Variants in SRGAP1 observed in about 807,000 individuals in gnomAD.
SRGAP1 encodes SLIT-ROBO Rho GTPase activating protein 1.
Under a neutral mutation model 121.9 loss-of-function variants are expected in SRGAP1, and 43 were observed. The observed-to-expected ratio is 0.35, with a 90% CI of 0.28 to 0.46. SRGAP1 has a LOEUF of 0.46. Ranked by LOEUF, SRGAP1 falls within the 20% of genes least tolerant of loss-of-function variation. The pLI is 1.00. For missense variants in SRGAP1, 1,102 were observed against 1,350.9 expected, an observed-to-expected ratio of 0.82 and a Z score of 2.89; for synonymous variants, 447 against 485.4, an observed-to-expected ratio of 0.92 and a Z score of 1.04.
intron 1 of SRGAP1, among the ~76,000 whole-genome samples, chr12:63,853,817 A>G (rs1899153572): frequency 6.6e-6 from 1 of 152,182 alleles, no homozygotes; most frequent in Non-Finnish European, 1.5e-5. Context: ...CTGACTTTCA[A>G]CTCCACCCTC....
chr12:64,094,827 A>T, intron 12 of SRGAP1, 105 bp from the exon 13 acceptor site: 1 of 1,107,994 alleles, frequency 9.0e-7, no homozygotes, highest in South Asian at 1.3e-5. Context: ...TTTGCTCCAG[A>T]ACTGCAAAAA....
intron 2 of SRGAP1, among the ~76,000 whole-genome samples, chr12:63,986,017 A>G (rs2033403086): frequency 6.6e-6 from 1 of 152,192 alleles, no homozygotes; most frequent in Non-Finnish European, 1.5e-5. Context: ...TGCAGAAGCA[A>G]ACACAAAACT....
At chr12:64,083,246 A>G (rs759127880) in intron 10 of SRGAP1, among the ~76,000 whole-genome samples, 11 of 152,206 alleles carry the variant, frequency 7.2e-5, no homozygotes, top group Admixed American at 2.0e-4. Context: ...GTTTGGGGAC[A>G]GTCCTGACTT....
rs889765690 is a variant in SRGAP1 at position 64,146,809 on chromosome 12, G to C, written c.*4137G>C. The stretch of plus-strand genomic sequence containing the variant: ...GCTGGAGAGTCAGGCTTGGTGCAGG[G>C]TGACTTTGGCGAAGTTTTGTCAGAT... On this transcript the variant is annotated 3_prime_UTR_variant, in exon 22 of 22. Coordinates refer to ENST00000355086, the MANE Select transcript of SRGAP1 (RefSeq NM_020762.4). 1 of 151,692 alleles carries C rather than the reference G, an allele frequency of 6.6e-6. No homozygotes were observed. Among genetic ancestry groups the C allele is most frequent in the African/African-American group, 2.4e-5 (1 of 41,220 alleles). The allele number at this position is 151,692 out of a possible 1,614,324, so 9.4% of individuals were successfully genotyped here.
chr12:63,893,641 C>T (rs561181182), intron 1 of SRGAP1, among the ~76,000 whole-genome samples: 6 of 152,204 alleles, frequency 3.9e-5, no homozygotes, highest in African/African-American at 1.4e-4. Context: ...ACTAGAGAGG[C>T]CAAGTGACTT....
chr12:63,986,946 T>C (rs972103442), intron 2 of SRGAP1, among the ~76,000 whole-genome samples: 13 of 152,206 alleles, frequency 8.5e-5, no homozygotes, highest in African/African-American at 3.1e-4. Context: ...GAAGATAAGA[T>C]GAATATGTCT....
chr12:64,037,083 T>A (rs1336707719), intron 4 of SRGAP1, among the ~76,000 whole-genome samples: 2 of 152,204 alleles, frequency 1.3e-5, no homozygotes, highest in Non-Finnish European at 2.9e-5. Context: ...CAGGGAACAC[T>A]TAGCCATAGG....
intron 1 of SRGAP1, among the ~76,000 whole-genome samples, chr12:63,847,099 C>T (rs898739881): frequency 1.3e-5 from 2 of 152,168 alleles, no homozygotes; most frequent in African/African-American, 4.8e-5. Context: ...GAGGCTGAGG[C>T]AGGCGGATCA....
chr12:63,991,375 C>T (rs1664492866), intron 3 of SRGAP1, among the ~76,000 whole-genome samples: 1 of 152,110 alleles, frequency 6.6e-6, no homozygotes. Flanking sequence ...TTTGATGTAT[C>T]CACATTAGAT....
At chr12:63,962,888 T>A (rs1434601414) in intron 1 of SRGAP1, among the ~76,000 whole-genome samples, 2 of 152,134 alleles carry the variant, frequency 1.3e-5, no homozygotes, top group East Asian at 3.8e-4. Flanking sequence ...GTATAAGAAA[T>A]CATAAAAGCA....
At chr12:64,091,463 T>C (rs1230242520) in intron 12 of SRGAP1, 85 bp downstream of exon 12, 3 of 924,536 alleles carry the variant, frequency 3.2e-6, no homozygotes, top group Non-Finnish European at 5.0e-6. Context: ...GGAAGGTCAT[T>C]ATGTCCAAGT....
chr12:64,051,332 T>G (rs1470709518), intron 6 of SRGAP1, among the ~76,000 whole-genome samples: 1 of 152,180 alleles, frequency 6.6e-6, no homozygotes, highest in Non-Finnish European at 1.5e-5. Flanking sequence ...TATAGTTAAG[T>G]CTTCCCTCCT....
At chr12:64,072,320 A>G (rs1305999642) in intron 8 of SRGAP1, among the ~76,000 whole-genome samples, 2 of 152,034 alleles carry the variant, frequency 1.3e-5, no homozygotes, top group African/African-American at 2.4e-5. Flanking sequence ...TAAAGGATGA[A>G]TAGGACTGCA....
chr12:64,056,451 G>A (rs1483590007), intron 6 of SRGAP1, among the ~76,000 whole-genome samples: 1 of 150,594 alleles, frequency 6.6e-6, no homozygotes, highest in East Asian at 2.0e-4. Context: ...TAGTTGGGAG[G>A]ATGAGGCAGG....
chr12:63,868,532 A>C (rs1033602950), intron 1 of SRGAP1, among the ~76,000 whole-genome samples: 1 of 151,890 alleles, frequency 6.6e-6, no homozygotes, highest in African/African-American at 2.4e-5. Flanking sequence ...AACCTGGCTA[A>C]TTTTTTGTAG....
At chr12:63,873,376 C>T (rs1208066532) in intron 1 of SRGAP1, among the ~76,000 whole-genome samples, 1 of 151,396 alleles carries the variant, frequency 6.6e-6, no homozygotes, top group African/African-American at 2.4e-5. Context: ...ACTACAAATA[C>T]AAAAAAATTA....
Position 64,159,620 on chromosome 12 carries a change from C to G in SRGAP1, c.*16948C>G, listed in dbSNP as rs919007337. 1 of 152,228 alleles carries G rather than the reference C, an allele frequency of 6.6e-6. No homozygotes were observed. Among genetic ancestry groups the G allele is most frequent in the Non-Finnish European group, 1.5e-5 (1 of 68,102 alleles). 9.4% of individuals were successfully genotyped at this position (152,228 alleles called of 1,614,324 possible). A position where few individuals can be genotyped will look rare whatever the true frequency, so the allele number is the denominator to read the frequency against. Reference sequence around the variant, plus strand: ...TACCTCTGCACTTCAGCCTGGGTGACAGAGTGAGATCCTGTCTCAAAAAAT... The same window carrying G: ...TACCTCTGCACTTCAGCCTGGGTGAGAGAGTGAGATCCTGTCTCAAAAAAT... On this transcript the variant is annotated 3_prime_UTR_variant, in exon 22 of 22. Transcript: ENST00000355086.
At chr12:64,103,576 T>G (rs1380613196) in intron 15 of SRGAP1, among the ~76,000 whole-genome samples, 1 of 152,240 alleles carries the variant, frequency 6.6e-6, no homozygotes, top group Non-Finnish European at 1.5e-5. Context: ...TATAAAAATT[T>G]CTTTCAGCTT....
chr12:63,866,503 A>G (rs989781233), intron 1 of SRGAP1, among the ~76,000 whole-genome samples: 1 of 152,256 alleles, frequency 6.6e-6, no homozygotes, highest in African/African-American at 2.4e-5. Flanking sequence ...AAAGTGAGAA[A>G]TATGCATTAA....
Sources: gnomAD v4.1 joint callset for allele counts (sites outside exome capture counted in the v4.1 genomes callset) on GRCh38, gnomAD v4.1.1 for gene constraint, MANE v1.5 for transcripts, NCBI Gene and HGNC (gene_info 2026-07-23, HGNC 2026-07-21) for gene names.